The following TMEM98 variants were observed in gnomAD, a reference collection of about 807,000 sequenced individuals.
The protein encoded by TMEM98 is transmembrane protein 98.
TMEM98 carries 18 observed loss-of-function variants against 25.0 expected under a neutral mutation model. The observed-to-expected ratio is 0.72, with a 90% CI of 0.50 to 1.07. The LOEUF is 1.07. Among genes scored for constraint, TMEM98 ranks in the 50% least tolerant of loss-of-function variants. The pLI, the probability that TMEM98 is intolerant of heterozygous loss-of-function variation, is 0.00. For synonymous variants in TMEM98, 103 were observed against 112.4 expected (o/e 0.92, Z 0.53); for missense variants, 241 against 289.0 (o/e 0.83, Z 1.20).
chr17:32,939,823 C>T (rs572224304), intron 7 of TMEM98, among the ~76,000 whole-genome samples: 4 of 152,304 alleles, frequency 2.6e-5, no homozygotes, highest in South Asian at 4.1e-4. Context: ...TCCCTTCTAC[C>T]TTTTCCCCTT....
intron 4 of TMEM98, among the ~76,000 whole-genome samples, 191 bp from the exon 5 acceptor site, chr17:32,934,100 G>C (rs1045112709): frequency 6.6e-6 from 1 of 152,192 alleles, no homozygotes; most frequent in Non-Finnish European, 1.5e-5. Context: ...GGTGCAGGGA[G>C]GGGAAGGGAA....
chr17:32,930,598 C>G (rs576139404), intron 1 of TMEM98, among the ~76,000 whole-genome samples: 1 of 152,196 alleles, frequency 6.6e-6, no homozygotes, highest in Non-Finnish European at 1.5e-5. Flanking sequence ...CTTCTTTCTT[C>G]CTTAGAAAGG....
chr17:32,936,542 T>C (rs2091497631), intron 6 of TMEM98, 95 bp downstream of exon 6: 4 of 1,039,986 alleles, frequency 3.8e-6, no homozygotes, highest in East Asian at 2.4e-5. Flanking sequence ...TTCTATAAAA[T>C]GGTGCACAGG....
intron 1 of TMEM98, among the ~76,000 whole-genome samples, chr17:32,928,960 C>G (rs1488626706): frequency 6.9e-6 from 1 of 145,248 alleles, no homozygotes; most frequent in Non-Finnish European, 1.5e-5. Context: ...TCAGTTCACA[C>G]ACACTCAGAA....
chr17:32,936,519 C>T, intron 6 of TMEM98, 72 bp downstream of exon 6: 2 of 1,293,322 alleles, frequency 1.5e-6, no homozygotes, highest in Non-Finnish European at 2.2e-6. Context: ...GGGGTAGCCG[C>T]AGAGCTGGGC....
At chr17:32,937,528 G>A in intron 6 of TMEM98, among the ~76,000 whole-genome samples, 1 of 152,168 alleles carries the variant, frequency 6.6e-6, no homozygotes, top group East Asian at 1.9e-4. Context: ...TCAGCCCCTG[G>A]CTTTATAAGA....
chr17:32,936,595 G>A (rs1436105291), intron 6 of TMEM98, 148 bp downstream of exon 6: 9 of 682,930 alleles, frequency 1.3e-5, no homozygotes, highest in Middle Eastern at 2.6e-4. Context: ...AGAGTGACCA[G>A]GAGGGTTTAG....
At chr17:32,935,282 T>C (rs947046864) in intron 5 of TMEM98, among the ~76,000 whole-genome samples, 1 of 152,170 alleles carries the variant, frequency 6.6e-6, no homozygotes, top group Non-Finnish European at 1.5e-5. Flanking sequence ...TAGATATAAA[T>C]ATGGTTATTG....
chr17:32,929,240 CAG>C lies in TMEM98; in HGVS notation c.-131+1005_-131+1006del, dbSNP rs1330819061. On this transcript the variant is annotated intron_variant, in intron 1 of 7. Coordinates refer to ENST00000579849, the MANE Select transcript of TMEM98 (RefSeq NM_015544.3). ...CACTCTGAGAAACAGCTCACACACA[CAG>C]AAACAGAAAAACAGCTCACGCACAC... Among the ~76,000 whole-genome samples the C allele has an allele frequency of 9.9e-5, 15 of 152,010 alleles. No homozygotes were observed. In the East Asian group the frequency reaches 2.5e-3, roughly 26 times the overall value.
At chr17:32,930,135 C>CT (rs1162405703) in intron 1 of TMEM98, among the ~76,000 whole-genome samples, 3 of 151,852 alleles carry the variant, frequency 2.0e-5, no homozygotes, top group Admixed American at 6.6e-5. Flanking sequence ...GTCAGAGTGT[C>CT]TTTTTTTCAC....
At position 32,934,310 on chromosome 17, in the gene TMEM98, A is replaced by G. The variant is rs1375135021; in HGVS notation, c.283A>G (p.Ile95Val). ...EDASGLMSHCIAILKICHTLT... is the reference protein window; with the variant it reads ...EDASGLMSHCVAILKICHTLT... ...CCCCAGGGGTCTCATGTCCCACTGC[A>G]TTGCCATCTTGAAGGTAACCCTCTC... Residue 95 changes from isoleucine to valine, a missense_variant, in exon 5 of 8, where the codon ATT becomes GTT. Ile to Val is a conservative substitution (Grantham distance 29). Transcript: ENST00000579849. 3 of 1,613,918 alleles carry G rather than the reference A, an allele frequency of 1.9e-6. No homozygotes were observed. Among genetic ancestry groups the G allele is most frequent in the African/African-American group, 1.3e-5 (1 of 74,850 alleles).
intron 6 of TMEM98, among the ~76,000 whole-genome samples, 199 bp downstream of exon 6, chr17:32,936,646 C>A (rs1247630964): frequency 1.3e-5 from 2 of 152,230 alleles, no homozygotes; most frequent in Non-Finnish European, 2.9e-5. Context: ...CCACCATCCC[C>A]ACCTGCAGCA....
intron 2 of TMEM98, 34 bp downstream of exon 2, chr17:32,931,436 T>C: frequency 6.6e-7 from 1 of 1,508,410 alleles, no homozygotes; most frequent in Non-Finnish European, 8.9e-7. Context: ...CTTTCGTGGC[T>C]TCTTGACCAG....
intron 3 of TMEM98, among the ~76,000 whole-genome samples, chr17:32,932,709 G>A (rs1330054657): frequency 6.6e-6 from 1 of 152,112 alleles, no homozygotes; most frequent in African/African-American, 2.4e-5. Flanking sequence ...CTAGGAAAAG[G>A]CAGGGATATA....
chr17:32,932,137 G>A (rs560079274), intron 3 of TMEM98, among the ~76,000 whole-genome samples: 6 of 129,422 alleles, frequency 4.6e-5, no homozygotes, highest in African/African-American at 6.1e-5. Context: ...TTTCACTCTC[G>A]TTGCCCAGGC....
chr17:32,934,267 G>A, intron 4 of TMEM98, 24 bp from the exon 5 acceptor site: 1 of 1,614,062 alleles, frequency 6.2e-7, no homozygotes, highest in Non-Finnish European at 8.5e-7. Flanking sequence ...GATGAGCACT[G>A]ATGACTTCTT....
rs779142580 is a variant in TMEM98, at chr17:32,933,312, C to A, written c.263+7C>A. ...ACTGGATCGAAGATGCCTCGTAAGG[C>A]CATGGGAACTGTTTGCTTCCGGGCT... On this transcript the variant is annotated splice_region_variant and intron_variant, in intron 4 of 7. Coordinates refer to ENST00000579849, the MANE Select transcript of TMEM98 (RefSeq NM_015544.3). The A allele has an allele frequency of 2.2e-5, 35 of 1,614,002 alleles. No individual in the cohort carries two copies. Among genetic ancestry groups the A allele is most frequent in the Non-Finnish European group, 3.0e-5 (35 of 1,179,904 alleles).
Position 32,943,167 on chromosome 17 carries a change from T to TA in TMEM98, c.*2175dup, listed in dbSNP as rs1387238784. 2.6e-5 allele frequency: 4 copies of TA among 152,318 alleles called. No individual in the cohort carries two copies. The highest frequency in any genetic ancestry group is 5.9e-5 in the Non-Finnish European group (4 of 68,142). The allele number at this position is 152,318 out of a possible 1,614,324, so 9.4% of individuals were successfully genotyped here. On this transcript the variant is annotated 3_prime_UTR_variant, in exon 8 of 8. Transcript: ENST00000579849. ...TGTTGTGAGGAGAGGTTGCCGAAGA[T>TA]ATTGGAGGTGTCTGCTGGACTGTAG...
At position 32,936,324 on chromosome 17, in the gene TMEM98, C is replaced by T. The variant is rs747188175; in HGVS notation, c.298-8C>T. 46 of 1,611,968 alleles carry T rather than the reference C, an allele frequency of 2.9e-5. No individual in the cohort carries two copies. In the Middle Eastern group the frequency reaches 4.9e-4, roughly 17 times the overall value. ...CAGCCCTCATCTCTCTCCTCCCTGC[C>T]GCATTAGATTTGTCACACTCTGACA... On this transcript the variant is annotated splice_region_variant and splice_polypyrimidine_tract_variant and intron_variant, in intron 5 of 7. Coordinates refer to ENST00000579849, the MANE Select transcript of TMEM98 (RefSeq NM_015544.3).
Sources: gnomAD v4.1 joint callset for allele counts (sites outside exome capture counted in the v4.1 genomes callset) on GRCh38, gnomAD v4.1.1 for gene constraint, MANE v1.5 for transcripts, NCBI Gene and HGNC (gene_info 2026-07-23, HGNC 2026-07-21) for gene names.